UBE2R2: variants seen among roughly 807,000 people sequenced by gnomAD.
UBE2R2 encodes the protein ubiquitin conjugating enzyme E2 R2.
UBE2R2 carries 1 observed loss-of-function variant against 27.8 expected under a neutral mutation model. The observed-to-expected ratio is 0.04, with a 90% confidence interval of 0.01 to 0.17. The LOEUF is 0.17. Among genes scored for constraint, UBE2R2 ranks in the 10% least tolerant of loss-of-function variants. UBE2R2 has a pLI of 1.00. For missense variants in UBE2R2, 100 were observed against 291.0 expected, an observed-to-expected ratio of 0.34 and a Z score of 4.78; for synonymous variants, 106 against 113.3, an observed-to-expected ratio of 0.94 and a Z score of 0.41.
At chr9:33,857,728 T>G (rs1241492645) in intron 1 of UBE2R2, among the ~76,000 whole-genome samples, 1 of 152,262 alleles carries the variant, frequency 6.6e-6, no homozygotes, top group Non-Finnish European at 1.5e-5. Context: ...TAGCTGTGTG[T>G]GTGAAAGAGT....
At position 33,917,483 on chromosome 9, in the gene UBE2R2, ATTC is replaced by A. The variant is rs1388691221; in HGVS notation, c.*249_*251del. Reference sequence around the variant, plus strand: ...TCTTTACCCTTCCATCACTATATTGATTCTTTTTTTAAAAAATATGAACCCAAA... The same window carrying A: ...TCTTTACCCTTCCATCACTATATTGATTTTTTTAAAAAATATGAACCCAAA... On this transcript the variant is annotated 3_prime_UTR_variant, in exon 5 of 5. Coordinates refer to ENST00000263228, the MANE Select transcript of UBE2R2 (RefSeq NM_017811.4). 2 of 575,150 alleles carry A rather than the reference ATTC, an allele frequency of 3.5e-6. No homozygotes were observed. The highest frequency in any genetic ancestry group is 2.9e-6 in the Non-Finnish European group (1 of 339,304). The allele number at this position is 575,150 out of a possible 1,614,324, so 35.6% of individuals were successfully genotyped here.
intron 2 of UBE2R2, among the ~76,000 whole-genome samples, chr9:33,896,873 G>T (rs1822117807): frequency 1.3e-5 from 2 of 151,194 alleles, no homozygotes; most frequent in African/African-American, 4.9e-5. Flanking sequence ...TGTCAATTTG[G>T]ATGCCTATTT....
At chr9:33,891,047 G>GTTTTTTTGTTTTTTTTTT (rs142957598) in intron 2 of UBE2R2, among the ~76,000 whole-genome samples, 1 of 126,374 alleles carries the variant, frequency 7.9e-6, no homozygotes, top group African/African-American at 2.9e-5. Context: ...TTGTTGTTGT[G>GTTTTTTTGTTTTTTTTTT]TTTTTTTGTT....
chr9:33,840,331 T>C (rs1820704066), intron 1 of UBE2R2, among the ~76,000 whole-genome samples: 1 of 152,206 alleles, frequency 6.6e-6, no homozygotes, highest in South Asian at 2.1e-4. Flanking sequence ...TTTTCTTTTA[T>C]AGTTTTATCA....
At chr9:33,817,037 C>T (rs1184119651), upstream of UBE2R2, among the ~76,000 whole-genome samples, 3 of 143,534 alleles carry the variant, frequency 2.1e-5, no homozygotes, top group Non-Finnish European at 4.5e-5. Context: ...GGAGGAGAGC[C>T]AGGCACGGTG....
rs536951865 is a variant in UBE2R2, at chr9:33,835,467, C to T, written c.177+17533C>T. On this transcript the variant is annotated intron_variant, in intron 1 of 4. Coordinates refer to ENST00000263228, the MANE Select transcript of UBE2R2 (RefSeq NM_017811.4). ...CGGCCTAAGTGTAGTTTTTAAATGC[C>T]GTGTAGTGTATATGCTGTACTTCAT... Among the ~76,000 whole-genome samples the T allele has an allele frequency of 1.6e-4, 24 of 152,098 alleles. No individual in the cohort carries two copies. The South Asian group carries it at 4.3e-3, about 28-fold the overall frequency.
At chr9:33,824,233 T>C (rs977897095) in intron 1 of UBE2R2, among the ~76,000 whole-genome samples, 2 of 152,196 alleles carry the variant, frequency 1.3e-5, no homozygotes, top group Non-Finnish European at 2.9e-5. Flanking sequence ...GGCTCATTCC[T>C]GTAATCCCAG....
At chr9:33,844,124 T>G (rs1432883632) in intron 1 of UBE2R2, among the ~76,000 whole-genome samples, 1 of 152,236 alleles carries the variant, frequency 6.6e-6, no homozygotes, top group Non-Finnish European at 1.5e-5. Flanking sequence ...ACCATAAGCT[T>G]GAAACACTTT....
intron 1 of UBE2R2, among the ~76,000 whole-genome samples, chr9:33,866,107 C>T (rs1249588120): frequency 6.6e-6 from 1 of 152,070 alleles, no homozygotes; most frequent in African/African-American, 2.4e-5. Flanking sequence ...GCTGAGATTA[C>T]AGGCGTGAGT....
chr9:33,835,440 C>T (rs1319084442), intron 1 of UBE2R2, among the ~76,000 whole-genome samples: 1 of 152,116 alleles, frequency 6.6e-6, no homozygotes, highest in African/African-American at 2.4e-5. Flanking sequence ...AGCCACTGAG[C>T]CCGGCCTAAG....
intron 1 of UBE2R2, among the ~76,000 whole-genome samples, chr9:33,881,301 A>G (rs2130790679): frequency 6.6e-6 from 1 of 152,312 alleles, no homozygotes; most frequent in Non-Finnish European, 1.5e-5. Flanking sequence ...GCACTAATGT[A>G]TTAATTAAGG....
chr9:33,844,539 T>TTA (rs869056683), intron 1 of UBE2R2, among the ~76,000 whole-genome samples: 3 of 125,078 alleles, frequency 2.4e-5, no homozygotes, highest in Non-Finnish European at 5.2e-5. Context: ...TTTTTTTTTT[T>TTA]ACCATCAGTT....
At chr9:33,832,337 T>C (rs2130727723) in intron 1 of UBE2R2, among the ~76,000 whole-genome samples, 1 of 143,464 alleles carries the variant, frequency 7.0e-6, no homozygotes, top group African/African-American at 2.6e-5. Flanking sequence ...AAAGAAATTA[T>C]TTAATACCCT....
At chr9:33,909,858 T>C (rs1822445733) in intron 3 of UBE2R2, among the ~76,000 whole-genome samples, 1 of 152,214 alleles carries the variant, frequency 6.6e-6, no homozygotes, top group Non-Finnish European at 1.5e-5. Context: ...TCTTTGAAAA[T>C]GCCTTTGTCA....
At chr9:33,862,861 A>T (rs1338711802) in intron 1 of UBE2R2, among the ~76,000 whole-genome samples, 1 of 152,112 alleles carries the variant, frequency 6.6e-6, no homozygotes, top group Non-Finnish European at 1.5e-5. Context: ...ATTTTATAAA[A>T]TTCATCTATT....
chr9:33,913,870 G>GTA (rs1218438137), intron 4 of UBE2R2, among the ~76,000 whole-genome samples: 2 of 152,158 alleles, frequency 1.3e-5, no homozygotes, highest in Non-Finnish European at 1.5e-5. Context: ...ATCTGTGTGT[G>GTA]TATATATATC....
chr9:33,889,431 C>T (rs1168606047), intron 2 of UBE2R2, among the ~76,000 whole-genome samples: 1 of 151,884 alleles, frequency 6.6e-6, no homozygotes, highest in East Asian at 1.9e-4. Flanking sequence ...GTCTCGATTG[C>T]CTGGCCTCAT....
intron 2 of UBE2R2, among the ~76,000 whole-genome samples, chr9:33,891,014 A>G (rs1165558337): frequency 6.7e-6 from 1 of 149,736 alleles, no homozygotes; most frequent in African/African-American, 2.5e-5. Context: ...GGCCAAAAAT[A>G]GTTTCTTATG....
intron 1 of UBE2R2, among the ~76,000 whole-genome samples, chr9:33,825,244 C>CTT (rs71506138): frequency 0.039 from 4,712 of 119,542 alleles, 422 homozygotes; most frequent in African/African-American, 0.14. Context: ...AAAAGCAAAG[C>CTT]TTTTTTTTTT....
Sources: allele counts gnomAD v4.1 joint callset (sites outside exome capture counted in the v4.1 genomes callset), GRCh38; gene constraint gnomAD v4.1.1; transcripts MANE v1.5; gene names NCBI Gene and HGNC (gene_info 2026-07-23, HGNC 2026-07-21).